Variants in ANKS1A observed in about 807,000 individuals in gnomAD.
ANKS1A encodes the protein ankyrin repeat and SAM domain-containing protein 1A.
ANKS1A carries 55 observed loss-of-function variants against 120.3 expected under a neutral mutation model. The observed-to-expected ratio is 0.46, with a 90% CI of 0.37 to 0.57. The LOEUF (loss-of-function observed/expected upper bound fraction) is 0.57. Ranked by LOEUF, ANKS1A falls within the 20% of genes least tolerant of loss-of-function variation. The probability of loss-of-function intolerance (pLI) is 0.00; values close to 1 mark genes in which losing one functional copy is unlikely to be tolerated. For missense variants in ANKS1A, 1,123 were observed against 1,480.3 expected (o/e 0.76, Z 3.96); for synonymous variants, 590 against 604.7 (o/e 0.98, Z 0.36).
At chr6:34,992,126 G>A (rs1262291672) in intron 9 of ANKS1A, among the ~76,000 whole-genome samples, 1 of 152,164 alleles carries the variant, frequency 6.6e-6, no homozygotes, top group African/African-American at 2.4e-5. Context: ...AGGCCATACT[G>A]GTCCAGGATC....
At chr6:34,974,898 CATT>C (rs2127519210) in intron 3 of ANKS1A, among the ~76,000 whole-genome samples, 1 of 152,230 alleles carries the variant, frequency 6.6e-6, no homozygotes, top group East Asian at 1.9e-4. Context: ...CTTAATGAAA[CATT>C]ATTCAGTTAG....
chr6:34,914,061 G>A (rs911945200), intron 1 of ANKS1A, among the ~76,000 whole-genome samples: 2 of 152,170 alleles, frequency 1.3e-5, no homozygotes, highest in East Asian at 3.9e-4. Flanking sequence ...GGGACTACAG[G>A]TGCCTGCCAC....
chr6:34,889,278 G>A lies in ANKS1A; in HGVS notation c.-125G>A. Reference sequence around the variant, plus strand: ...GAAGTGACGCGCTCGTGGGGAAAAGGCAGGGAGGGGGTGGTGTCCCCAGCC... The same window carrying A: ...GAAGTGACGCGCTCGTGGGGAAAAGACAGGGAGGGGGTGGTGTCCCCAGCC... On this transcript the variant is annotated 5_prime_UTR_variant, in exon 1 of 24. Coordinates refer to ENST00000360359, the MANE Select transcript of ANKS1A (RefSeq NM_015245.3). The surrounding 1 kb of genome is among the most constrained non-coding windows in gnomAD (Gnocchi z 5.5). The A allele has an allele frequency of 8.4e-7, 1 of 1,196,452 alleles. No individual in the cohort carries two copies. 74.1% of individuals were successfully genotyped at this position (1,196,452 alleles called of 1,614,324 possible).
At chr6:35,033,809 T>G (rs915111272) in intron 11 of ANKS1A, among the ~76,000 whole-genome samples, 70 of 152,234 alleles carry the variant, frequency 4.6e-4, no homozygotes, top group African/African-American at 1.7e-3. Flanking sequence ...AACGTCTCTC[T>G]GTGCTCTGGA....
intron 9 of ANKS1A, among the ~76,000 whole-genome samples, chr6:34,991,083 G>C (rs2127535011): frequency 6.6e-6 from 1 of 152,226 alleles, no homozygotes; most frequent in South Asian, 2.1e-4. Context: ...TATCTCAGGA[G>C]ACACTGACTT....
At chr6:35,039,192 C>CTTTTTTTTTT (rs35565672) in intron 11 of ANKS1A, among the ~76,000 whole-genome samples, 1 of 83,788 alleles carries the variant, frequency 1.2e-5, no homozygotes, top group Non-Finnish European at 2.1e-5. Flanking sequence ...CTCCCTCATA[C>CTTTTTTTTTT]TTTTTTTTTT....
At position 35,081,084 on chromosome 6, in the gene ANKS1A, G is replaced by A. The variant is rs772726171; in HGVS notation, c.2635G>A (p.Asp879Asn). The A allele has an allele frequency of 3.1e-6, 5 of 1,613,870 alleles. No homozygotes were observed. The highest frequency in any genetic ancestry group is 4.2e-6 in the Non-Finnish European group (5 of 1,179,974). Residue 879 changes from aspartate to asparagine, a missense_variant, in exon 17 of 24, where the codon GAC becomes AAC. Asp to Asn is a conservative substitution (Grantham distance 23). Transcript: ENST00000360359. ...GGCAGATCTGCTGCTGCCTCCAGGGGACACAGGCAGGAGGCGCCATGACAG... is the reference window on the plus strand; with the variant it reads ...GGCAGATCTGCTGCTGCCTCCAGGGAACACAGGCAGGAGGCGCCATGACAG... ...RSADLLLPPG[D>N]TGRRRHDSLH...
chr6:34,889,538 G>A lies in ANKS1A; in HGVS notation c.136G>A (p.Gly46Ser), dbSNP rs1766688292. Reference sequence around the variant, plus strand: ...CGGTGGCTCTGGGGGCGGCGGCGGCGGCAGCGGCGGCGGCGGCGGCGGCCT... The same window carrying A: ...CGGTGGCTCTGGGGGCGGCGGCGGCAGCAGCGGCGGCGGCGGCGGCGGCCT... ...GGGGSGGGGG[G>S]SGGGGGGLGS... Residue 46 changes from glycine to serine, a missense_variant, in exon 1 of 24, where the codon GGC becomes AGC. By Grantham distance (56) the Gly-to-Ser change is moderately conservative (BLOSUM62 0). This residue lies in a region of ANKS1A where 73 missense variants were observed against 82.2 expected (regional missense o/e 0.89). Coordinates refer to ENST00000360359, the MANE Select transcript of ANKS1A (RefSeq NM_015245.3). The surrounding 1 kb of genome is among the most constrained non-coding windows in gnomAD (Gnocchi z 5.5). The A allele has an allele frequency of 2.4e-6, 3 of 1,269,260 alleles. No homozygotes were observed. The highest frequency in any genetic ancestry group is 3.5e-5 in the South Asian group (1 of 28,638). 78.6% of individuals were successfully genotyped at this position (1,269,260 alleles called of 1,614,324 possible). A position where few individuals can be genotyped will look rare whatever the true frequency, so the allele number is the denominator to read the frequency against.
downstream of ANKS1A, among the ~76,000 whole-genome samples, chr6:35,093,813 C>CCAAG (rs1309702667): frequency 6.6e-6 from 1 of 152,178 alleles, no homozygotes; most frequent in Non-Finnish European, 1.5e-5. Flanking sequence ...TCTACTCCAG[C>CCAAG]CAAGCACCAC....
chr6:34,965,210 TTTTG>T (rs1443611994), intron 1 of ANKS1A, among the ~76,000 whole-genome samples: 1 of 152,224 alleles, frequency 6.6e-6, no homozygotes, highest in African/African-American at 2.4e-5. Flanking sequence ...GTATTTACAA[TTTTG>T]TTTCTTTTTT....
chr6:34,895,858 C>T (rs1415197361), intron 1 of ANKS1A, among the ~76,000 whole-genome samples: 2 of 133,424 alleles, frequency 1.5e-5, no homozygotes, highest in East Asian at 4.4e-4. Context: ...GGCACGATCT[C>T]GACTCATTGC....
At chr6:34,965,178 C>T (rs1770832510) in intron 1 of ANKS1A, among the ~76,000 whole-genome samples, 1 of 152,102 alleles carries the variant, frequency 6.6e-6, no homozygotes, top group Non-Finnish European at 1.5e-5. Flanking sequence ...AAATTTCATC[C>T]TTTCTGAGCT....
chr6:35,067,205 T>G (rs1776818995), intron 13 of ANKS1A, among the ~76,000 whole-genome samples: 1 of 152,128 alleles, frequency 6.6e-6, no homozygotes, highest in Non-Finnish European at 1.5e-5. Context: ...TGTCCCCTCC[T>G]CTTTGCTTTC....
At chr6:34,980,228 G>C (rs1771833042) in intron 3 of ANKS1A, among the ~76,000 whole-genome samples, 1 of 152,268 alleles carries the variant, frequency 6.6e-6, no homozygotes, top group African/African-American at 2.4e-5. Flanking sequence ...GCACTTTCCT[G>C]ACAGCTGCTC....
At position 35,091,014 on chromosome 6, in the gene ANKS1A, GCAGT is replaced by G; in HGVS notation, c.*2409_*2412del. On this transcript the variant is annotated 3_prime_UTR_variant, in exon 24 of 24. Coordinates refer to ENST00000360359, the MANE Select transcript of ANKS1A (RefSeq NM_015245.3). ...GTTTGAGCAGGGAGCAGGCAGAGCTGCAGTCAGAGACATTAGAAAACCAGTCTGA... is the reference window on the plus strand; with the variant it reads ...GTTTGAGCAGGGAGCAGGCAGAGCTGCAGAGACATTAGAAAACCAGTCTGA... The G allele has an allele frequency of 1.0e-6, 1 of 985,900 alleles. No homozygotes were observed. Among genetic ancestry groups the G allele is most frequent in the Non-Finnish European group, 1.2e-6 (1 of 829,934 alleles). The allele number at this position is 985,900 out of a possible 1,614,324, so 61.1% of individuals were successfully genotyped here.
intron 10 of ANKS1A, among the ~76,000 whole-genome samples, chr6:35,003,038 A>G (rs1279784930): frequency 6.6e-6 from 1 of 150,676 alleles, no homozygotes; most frequent in Admixed American, 6.7e-5. Flanking sequence ...GTGGACAGGT[A>G]GTTGTGTTAT....
At chr6:35,061,123 G>A (rs1776475829) in intron 13 of ANKS1A, among the ~76,000 whole-genome samples, 1 of 152,226 alleles carries the variant, frequency 6.6e-6, no homozygotes, top group Non-Finnish European at 1.5e-5. Flanking sequence ...CAGCAGCCCT[G>A]GGATGTGGAC....
At chr6:35,006,843 A>G (rs1773486634) in intron 10 of ANKS1A, among the ~76,000 whole-genome samples, 1 of 151,926 alleles carries the variant, frequency 6.6e-6, no homozygotes, top group African/African-American at 2.4e-5. Flanking sequence ...TTTTAAAATT[A>G]AAACTTCAAA....
chr6:35,000,782 G>C (rs1773126179), intron 10 of ANKS1A, among the ~76,000 whole-genome samples: 1 of 151,998 alleles, frequency 6.6e-6, no homozygotes. Flanking sequence ...TTGGTAAAAG[G>C]ATTATAAGGA....
Sources: allele counts gnomAD v4.1 joint callset (sites outside exome capture counted in the v4.1 genomes callset), GRCh38; gene constraint gnomAD v4.1.1; regional missense constraint gnomAD v4.1.1; non-coding constraint Gnocchi (gnomAD v3.1); transcripts MANE v1.5; gene names NCBI Gene and HGNC (gene_info 2026-07-23, HGNC 2026-07-21).